NR3C2: variants seen among roughly 807,000 people sequenced by gnomAD.
The protein encoded by NR3C2 is nuclear receptor subfamily 3 group C member 2.
In NR3C2, 15 loss-of-function variants were observed where a neutral mutation model predicts 86.4. That is an observed-to-expected ratio of 0.17 (90% CI 0.12 to 0.27). The LOEUF is 0.27. Among genes scored for constraint, NR3C2 ranks in the 10% least tolerant of loss-of-function variants. The pLI is 1.00. For missense variants in NR3C2, 960 were observed against 1,195.6 expected, an observed-to-expected ratio of 0.80 and a Z score of 2.91; for synonymous variants, 458 against 450.5, an observed-to-expected ratio of 1.02 and a Z score of -0.21.
chr4:148,259,983 A>T lies in NR3C2; in HGVS notation c.1892T>A (p.Val631Glu). The change falls in exon 3 of 9, where the codon GTG (valine) becomes GAG (glutamate). Residue 631 changes from valine (V) to glutamate (E), a missense_variant. Physicochemically the swap from Val to Glu is moderately radical, Grantham distance 121 (BLOSUM62 -2). Coordinates refer to ENST00000358102, the MANE Select transcript of NR3C2 (RefSeq NM_000901.5). ...GSCKVFFKRA[V>E]EGQHNYLCAG... ...ACACCCACATGAACATTTACCTTCCACTGCTCTTTTGAAGAAAACTTTGCA... is the reference window on the plus strand; with the variant it reads ...ACACCCACATGAACATTTACCTTCCTCTGCTCTTTTGAAGAAAACTTTGCA... 6.2e-7 allele frequency: 1 copy of T among 1,614,122 alleles called. No homozygotes were observed. Among genetic ancestry groups the T allele is most frequent in the Non-Finnish European group, 8.5e-7 (1 of 1,180,002 alleles).
At chr4:148,419,366 A>G (rs969190501) in intron 2 of NR3C2, among the ~76,000 whole-genome samples, 1 of 152,192 alleles carries the variant, frequency 6.6e-6, no homozygotes, top group African/African-American at 2.4e-5. Context: ...AATCTTCTGA[A>G]GCTATAAGCA....
At chr4:148,262,247 A>C (rs1740160081) in intron 2 of NR3C2, among the ~76,000 whole-genome samples, 1 of 151,832 alleles carries the variant, frequency 6.6e-6, no homozygotes, top group African/African-American at 2.4e-5. Flanking sequence ...CCTTGATCCC[A>C]GTACTATTTT....
intron 2 of NR3C2, among the ~76,000 whole-genome samples, chr4:148,291,021 C>T (rs1741773102): frequency 6.6e-6 from 1 of 152,138 alleles, no homozygotes; most frequent in African/African-American, 2.4e-5. Context: ...ATCTTCTGCA[C>T]TCGTCTACTT....
intron 4 of NR3C2, among the ~76,000 whole-genome samples, chr4:148,169,533 A>AAT (rs889350945): frequency 1.3e-4 from 20 of 151,032 alleles, no homozygotes; most frequent in Admixed American, 4.0e-4. Flanking sequence ...CATGTATATA[A>AAT]ATATATATAT....
At chr4:148,273,610 G>T (rs976342562) in intron 2 of NR3C2, among the ~76,000 whole-genome samples, 1 of 152,172 alleles carries the variant, frequency 6.6e-6, no homozygotes, top group African/African-American at 2.4e-5. Flanking sequence ...CCCCAGGGGT[G>T]CTGGCTGTCT....
At chr4:148,224,660 G>T (rs968443519) in intron 3 of NR3C2, among the ~76,000 whole-genome samples, 1 of 152,168 alleles carries the variant, frequency 6.6e-6, no homozygotes, top group Admixed American at 6.6e-5. Context: ...TTTGGGCTTT[G>T]AAGTGGAACA....
At chr4:148,164,185 T>A (rs1190750472) in intron 4 of NR3C2, among the ~76,000 whole-genome samples, 2 of 152,196 alleles carry the variant, frequency 1.3e-5, no homozygotes, top group Non-Finnish European at 2.9e-5. Context: ...ATTTTACTGT[T>A]ACAGACAGTT....
intron 2 of NR3C2, among the ~76,000 whole-genome samples, chr4:148,273,300 T>C (rs1740787609): frequency 6.6e-6 from 1 of 152,238 alleles, no homozygotes; most frequent in African/African-American, 2.4e-5. Context: ...ATGAAGATTT[T>C]GAAATCTATG....
intron 3 of NR3C2, among the ~76,000 whole-genome samples, chr4:148,248,550 C>A (rs1739425627): frequency 6.7e-6 from 1 of 149,134 alleles, no homozygotes; most frequent in Non-Finnish European, 1.5e-5. Context: ...AGCGTGAAAA[C>A]TATCTTTGCT....
intron 3 of NR3C2, among the ~76,000 whole-genome samples, chr4:148,200,630 GC>G (rs1290186688): frequency 6.6e-6 from 1 of 152,148 alleles, no homozygotes; most frequent in Non-Finnish European, 1.5e-5. Context: ...AAGTTACTTA[GC>G]CTTTTCATAT....
At chr4:148,090,727 G>C (rs1377231500) in intron 8 of NR3C2, among the ~76,000 whole-genome samples, 7 of 152,188 alleles carry the variant, frequency 4.6e-5, no homozygotes, top group Admixed American at 3.9e-4. Flanking sequence ...GTTGGCTGGG[G>C]ACAGGTGTCC....
intron 8 of NR3C2, among the ~76,000 whole-genome samples, chr4:148,092,765 G>A (rs776512290): frequency 3.9e-5 from 6 of 152,088 alleles, no homozygotes; most frequent in Non-Finnish European, 7.3e-5. Context: ...CTCCATCCGC[G>A]TGCCATGCCA....
At chr4:148,427,282 G>A (rs1473517598) in intron 2 of NR3C2, among the ~76,000 whole-genome samples, 3 of 152,048 alleles carry the variant, frequency 2.0e-5, no homozygotes, top group East Asian at 3.9e-4. Flanking sequence ...ATCCATGGGA[G>A]TTAAGCTCAT....
chr4:148,307,643 A>G (rs1319206859), intron 2 of NR3C2, among the ~76,000 whole-genome samples: 1 of 152,166 alleles, frequency 6.6e-6, no homozygotes, highest in African/African-American at 2.4e-5. Context: ...ACAATACATA[A>G]TCATCTAGAG....
chr4:148,343,825 T>C (rs943005022), intron 2 of NR3C2, among the ~76,000 whole-genome samples: 10 of 152,128 alleles, frequency 6.6e-5, no homozygotes, highest in Non-Finnish European at 2.9e-5. Context: ...ATTCTCCTTT[T>C]GAGGTCTGGA....
At chr4:148,421,288 T>C (rs967432357) in intron 2 of NR3C2, among the ~76,000 whole-genome samples, 3 of 152,220 alleles carry the variant, frequency 2.0e-5, no homozygotes, top group African/African-American at 2.4e-5. Flanking sequence ...TTCAGAACTC[T>C]TTTTGGATTA....
intron 6 of NR3C2, among the ~76,000 whole-genome samples, chr4:148,148,771 T>C (rs1378998790): frequency 1.3e-5 from 2 of 152,208 alleles, no homozygotes; most frequent in South Asian, 2.1e-4. Context: ...TCAATACTTA[T>C]CACAATTATA....
intron 2 of NR3C2, among the ~76,000 whole-genome samples, chr4:148,392,573 T>C (rs61756928): frequency 4.6e-5 from 7 of 152,194 alleles, no homozygotes; most frequent in Non-Finnish European, 1.0e-4. Flanking sequence ...CCCCCAGAGC[T>C]AGCTCAGCTC....
intron 2 of NR3C2, among the ~76,000 whole-genome samples, chr4:148,294,301 G>A (rs1741943456): frequency 6.6e-6 from 1 of 152,152 alleles, no homozygotes; most frequent in Middle Eastern, 3.2e-3. Context: ...CATGGTCAGT[G>A]CTCAATATTA....
Sources: gnomAD v4.1 joint callset for allele counts (sites outside exome capture counted in the v4.1 genomes callset) on GRCh38, gnomAD v4.1.1 for gene constraint, MANE v1.5 for transcripts, NCBI Gene and HGNC (gene_info 2026-07-23, HGNC 2026-07-21) for gene names.